The following PNPT1 variants were observed in gnomAD, a reference collection of about 807,000 sequenced individuals.
PNPT1 encodes the protein polyribonucleotide nucleotidyltransferase 1, also known as polyribonucleotide nucleotidyltransferase 1, mitochondrial.
In PNPT1, 53 loss-of-function variants were observed where a neutral mutation model predicts 119.5. The ratio of observed to expected loss-of-function variants is 0.44; its 90% CI spans 0.36 to 0.56. PNPT1 has a LOEUF of 0.56. Ranked by LOEUF, PNPT1 falls within the 20% of genes least tolerant of loss-of-function variation. PNPT1 has a pLI of 0.00. For missense variants in PNPT1, 948 were observed against 938.5 expected (o/e 1.01, Z -0.13); for synonymous variants, 357 against 322.1 (o/e 1.11, Z -1.16).
chr2:55,680,686 TTTC>T, intron 7 of PNPT1, 23 bp downstream of exon 7: 4 of 1,600,064 alleles, frequency 2.5e-6, no homozygotes, highest in Non-Finnish European at 3.4e-6. Flanking sequence ...ACACATATGA[TTTC>T]TTACTTTTAA....
chr2:55,647,499 C>G (rs1696039209), intron 18 of PNPT1, 46 bp from the exon 19 acceptor site: 2 of 1,396,238 alleles, frequency 1.4e-6, no homozygotes, highest in South Asian at 1.4e-5. Flanking sequence ...GTACATGAGC[C>G]TAAAACAAAT....
chr2:55,643,115 A>G, intron 25 of PNPT1, 43 bp downstream of exon 25: 5 of 1,604,500 alleles, frequency 3.1e-6, no homozygotes, highest in South Asian at 2.2e-5. Context: ...CCCTGTCTCT[A>G]AAGAAAGGAA....
At chr2:55,693,404 C>T (rs1000403182) in intron 1 of PNPT1, among the ~76,000 whole-genome samples, 2 of 152,062 alleles carry the variant, frequency 1.3e-5, no homozygotes, top group African/African-American at 4.8e-5. Context: ...GTAAAGAGAT[C>T]GGAAGTCAGG....
intron 1 of PNPT1, among the ~76,000 whole-genome samples, chr2:55,689,563 G>A (rs1163026052): frequency 1.3e-5 from 2 of 152,166 alleles, no homozygotes; most frequent in Non-Finnish European, 2.9e-5. Flanking sequence ...GTCACAACAT[G>A]GATAAACCCT....
chr2:55,659,413 C>T (rs952636296), intron 15 of PNPT1, among the ~76,000 whole-genome samples: 2 of 152,124 alleles, frequency 1.3e-5, no homozygotes, highest in Admixed American at 6.6e-5. Context: ...TACTACTAAT[C>T]AACTGAGTAT....
chr2:55,656,427 A>G, intron 15 of PNPT1, 56 bp from the exon 16 acceptor site: 3 of 1,451,160 alleles, frequency 2.1e-6, no homozygotes, highest in South Asian at 1.2e-5. Context: ...AAGATGTCCA[A>G]GTTATATTAC....
intron 26 of PNPT1, 32 bp downstream of exon 26, chr2:55,640,595 A>G: frequency 6.6e-7 from 1 of 1,509,106 alleles, no homozygotes. Context: ...AGGCAGTTAT[A>G]AAAATAATAA....
Position 55,664,505 on chromosome 2 carries a change from A to G in PNPT1, c.1177-2479T>C, listed in dbSNP as rs1572816415. Among the ~76,000 whole-genome samples, 3 of 152,316 alleles carry G rather than the reference A, an allele frequency of 2.0e-5. No individual in the cohort carries two copies. The South Asian group carries it at 6.2e-4, about 32-fold the overall frequency. On this transcript the variant is annotated intron_variant, in intron 13 of 27. Transcript: ENST00000447944. ...TATGGATGTATACTGTTATTTCTAT[A>G]GTAATCACTGGAAAATAACTCAGAA...
intron 21 of PNPT1, 26 bp from the exon 22 acceptor site, chr2:55,645,458 TAAC>T: frequency 6.9e-7 from 1 of 1,440,140 alleles, no homozygotes; most frequent in Non-Finnish European, 9.7e-7. Flanking sequence ...ACAAAAATTA[TAAC>T]TACATAAAAC....
At chr2:55,688,909 T>G (rs1363600999) in intron 1 of PNPT1, among the ~76,000 whole-genome samples, 1 of 152,166 alleles carries the variant, frequency 6.6e-6, no homozygotes, top group Non-Finnish European at 1.5e-5. Flanking sequence ...GAGGCAATAG[T>G]GGACAACTGG....
Position 55,693,652 on chromosome 2 carries a change from T to A in PNPT1, c.161+11A>T, listed in dbSNP as rs1012467586. 1.2e-6 allele frequency: 2 copies of A among 1,613,938 alleles called. No homozygotes were observed. The highest frequency in any genetic ancestry group is 1.7e-6 in the Non-Finnish European group (2 of 1,179,848). ...CTTATGACAATACAGTGAACGCACG[T>A]CACTCCTTACCTGTTGCCTAAGTCC... On this transcript the variant is annotated intron_variant, in intron 1 of 27. Transcript: ENST00000447944.
intron 10 of PNPT1, 59 bp from the exon 11 acceptor site, chr2:55,671,435 T>G (rs971618336): frequency 2.9e-6 from 3 of 1,036,066 alleles, no homozygotes; most frequent in Middle Eastern, 5.1e-4. Context: ...ATATTTCTGT[T>G]TTCTAATTAT....
At chr2:55,642,597 C>T (rs183995527) in intron 25 of PNPT1, among the ~76,000 whole-genome samples, 3,865 of 112,988 alleles carry the variant, frequency 0.034, 94 homozygotes, top group South Asian at 0.098. Context: ...CAGAGCGAGA[C>T]TCTGTCCCAA....
rs183907974 is a variant in PNPT1 at position 55,678,488 on chromosome 2, G to A, written c.679+1194C>T. Among the ~76,000 whole-genome samples the A allele has an allele frequency of 2.4e-3, 358 of 152,284 alleles. 3 individuals carry two copies. Among genetic ancestry groups the A allele is most frequent in the Admixed American group, 7.3e-3 (111 of 15,296 alleles). ...GATTTCTGGGAAAGGTGCTTAAAAC[G>A]CAGGTTGACTTACTCAACTGCCACA... On this transcript the variant is annotated intron_variant, in intron 8 of 27. Transcript: ENST00000447944.
At chr2:55,683,328 CT>C (rs1232474580) in intron 5 of PNPT1, among the ~76,000 whole-genome samples, 1 of 152,136 alleles carries the variant, frequency 6.6e-6, no homozygotes, top group Non-Finnish European at 1.5e-5. Context: ...AAAGCACTAT[CT>C]TTTGGCCAGG....
chr2:55,681,870 G>T (rs947471441), intron 5 of PNPT1, among the ~76,000 whole-genome samples: 1 of 148,456 alleles, frequency 6.7e-6, no homozygotes, highest in African/African-American at 2.5e-5. Flanking sequence ...GGCTGGGCGC[G>T]GTGGCTCACG....
In PNPT1 at chr2:55,643,154, T is replaced by C. The variant is rs372147188; in HGVS notation, c.2069+4A>G. 3.1e-6 allele frequency: 5 copies of C among 1,613,858 alleles called. No individual in the cohort carries two copies. In the African/African-American group the frequency reaches 6.7e-5, roughly 22 times the overall value. On this transcript the variant is annotated splice_donor_region_variant and intron_variant, in intron 25 of 27. Coordinates refer to ENST00000447944, the MANE Select transcript of PNPT1 (RefSeq NM_033109.5). ...GCTCAGCATAGTATATTACTTGATA[T>C]TACCTGATTTCAGTTATTGTGGCGG... is the stretch of plus-strand genomic sequence containing the variant.
intron 7 of PNPT1, among the ~76,000 whole-genome samples, chr2:55,680,477 T>C (rs1331923825): frequency 1.4e-5 from 2 of 145,480 alleles, no homozygotes; most frequent in Non-Finnish European, 3.0e-5. Flanking sequence ...AATTATGAAG[T>C]CAAAATATCT....
intron 1 of PNPT1, among the ~76,000 whole-genome samples, chr2:55,692,347 C>T (rs905686280): frequency 2.6e-5 from 4 of 152,050 alleles, no homozygotes; most frequent in South Asian, 2.1e-4. Flanking sequence ...TTAACCTGTT[C>T]AATGTCAACT....
Sources: gnomAD v4.1 joint callset for allele counts (sites outside exome capture counted in the v4.1 genomes callset) on GRCh38, gnomAD v4.1.1 for gene constraint, MANE v1.5 for transcripts, NCBI Gene and HGNC (gene_info 2026-07-23, HGNC 2026-07-21) for gene names.